DNAI2: variants seen among roughly 807,000 people sequenced by gnomAD.
The protein encoded by DNAI2 is dynein axonemal intermediate chain 2.
In DNAI2, 63 loss-of-function variants were observed where a neutral mutation model predicts 74.7. The observed-to-expected ratio is 0.84, with a 90% CI of 0.69 to 1.04. DNAI2 has a LOEUF of 1.04. DNAI2 is among the 50% of genes least tolerant of loss of function. The pLI is 0.00. For synonymous variants in DNAI2, 289 were observed against 314.9 expected, an observed-to-expected ratio of 0.92 and a Z score of 0.87; for missense variants, 688 against 803.2, an observed-to-expected ratio of 0.86 and a Z score of 1.73.
chr17:74,298,373 C>G (rs1007603357), intron 6 of DNAI2, among the ~76,000 whole-genome samples: 1 of 152,112 alleles, frequency 6.6e-6, no homozygotes, highest in Non-Finnish European at 1.5e-5. Flanking sequence ...GGCATGATCT[C>G]AGCTCACTGC....
intron 4 of DNAI2, among the ~76,000 whole-genome samples, chr17:74,287,552 C>T (rs2143925876): frequency 6.6e-6 from 1 of 152,310 alleles, no homozygotes; most frequent in African/African-American, 2.4e-5. Flanking sequence ...ATATTCACTG[C>T]AGAGGGTGTA....
chr17:74,285,420 A>C (rs1531493), intron 3 of DNAI2, among the ~76,000 whole-genome samples: 1 of 152,116 alleles, frequency 6.6e-6, no homozygotes, highest in African/African-American at 2.4e-5. Context: ...AGGGCTGACC[A>C]GGCATCAGGA....
At chr17:74,275,255 G>A (rs2050995429) in intron 1 of DNAI2, among the ~76,000 whole-genome samples, 1 of 152,096 alleles carries the variant, frequency 6.6e-6, no homozygotes, top group Admixed American at 6.6e-5. Flanking sequence ...TCCAATTCTG[G>A]GGACCTCTTC....
rs371039062 is a variant in DNAI2 at position 74,296,346 on chromosome 17, G to GAGAGGAGAGAGAGAGAGAGAGAGA, written c.725-3372_725-3371insAGAGGAGAGAGAGAGAGAGAGAGA. Among the ~76,000 whole-genome samples, 6 of 83,268 alleles carry GAGAGGAGAGAGAGAGAGAGAGAGA rather than the reference G, an allele frequency of 7.2e-5. 1 individual carries two copies. The highest frequency in any genetic ancestry group is 1.2e-4 in the Admixed American group (1 of 8,010). 54.6% of individuals were successfully genotyped at this position (83,268 alleles called of 152,430 possible). ...GAGAGAGAGAGAGGAGAGAGAGAGAGGAGAGAGAGAGGAAGGGGGAAGGAG... is the reference window on the plus strand; with the variant it reads ...GAGAGAGAGAGAGGAGAGAGAGAGAGAGAGGAGAGAGAGAGAGAGAGAGAGAGAGAGAGAGGAAGGGGGAAGGAG... On this transcript the variant is annotated intron_variant, in intron 6 of 13. Coordinates refer to ENST00000311014, the MANE Select transcript of DNAI2 (RefSeq NM_023036.6).
At chr17:74,309,873 T>A in intron 10 of DNAI2, 144 bp from the exon 11 acceptor site, 1 of 1,087,994 alleles carries the variant, frequency 9.2e-7, no homozygotes, top group Admixed American at 1.9e-5. Flanking sequence ...AGTCTCCGAG[T>A]TTGAACTTCA....
At position 74,310,382 on chromosome 17, in the gene DNAI2, T is replaced by C. The variant is rs571412312; in HGVS notation, c.1494+219T>C. Among the ~76,000 whole-genome samples, 338 of 152,106 alleles carry C rather than the reference T, an allele frequency of 2.2e-3. 1 individual carries two copies. Among genetic ancestry groups the C allele is most frequent in the South Asian group, 0.01 (50 of 4,814 alleles). ...GCTAAGTGGCCTTCAGTAAGTCACG[T>C]CACTCTCCAGGATTCAGTTTTTTAC... On this transcript the variant is annotated intron_variant, in intron 11 of 13. Transcript: ENST00000311014.
intron 8 of DNAI2, among the ~76,000 whole-genome samples, chr17:74,304,194 T>C (rs962615841): frequency 1.4e-4 from 17 of 125,526 alleles, no homozygotes; most frequent in South Asian, 5.6e-4. Flanking sequence ...TTCTTTTTTT[T>C]TTTTTTTTTT....
Position 74,301,080 on chromosome 17 carries a change from C to G in DNAI2, c.899C>G (p.Pro300Arg), listed in dbSNP as rs766750403. The change falls in exon 8 of 14, where the codon CCC becomes CGC. Residue 300 changes from proline to arginine, a missense_variant. Coordinates refer to ENST00000311014, the MANE Select transcript of DNAI2 (RefSeq NM_023036.6). Reference sequence around the variant, plus strand: ...TGGGACATCCGAAAGATGAGCGAGCCCACTGAAGTTGTGATCTTGGACATC... The same window carrying G: ...TGGGACATCCGAAAGATGAGCGAGCGCACTGAAGTTGTGATCTTGGACATC... ...MWWDIRKMSEPTEVVILDITK... is the reference protein window; with the variant it reads ...MWWDIRKMSERTEVVILDITK... 1.9e-6 allele frequency: 3 copies of G among 1,614,058 alleles called. No homozygotes were observed. Among genetic ancestry groups the G allele is most frequent in the Middle Eastern group, 1.7e-4 (1 of 6,058 alleles).
chr17:74,284,532 C>G (rs1357246531), intron 2 of DNAI2, among the ~76,000 whole-genome samples: 3 of 152,138 alleles, frequency 2.0e-5, no homozygotes, highest in Non-Finnish European at 4.4e-5. Context: ...CCTGCCTCAG[C>G]CTCCCGAGTA....
chr17:74,275,910 G>A (rs550218846), intron 1 of DNAI2, among the ~76,000 whole-genome samples: 66 of 152,190 alleles, frequency 4.3e-4, no homozygotes, highest in African/African-American at 1.5e-3. Flanking sequence ...AACAAAGAAA[G>A]AGGGAAGGAA....
intron 12 of DNAI2, among the ~76,000 whole-genome samples, chr17:74,312,623 A>G (rs745366458): frequency 6.6e-6 from 1 of 152,142 alleles, no homozygotes; most frequent in Non-Finnish European, 1.5e-5. Flanking sequence ...AAGGGCTGGG[A>G]CATTAGCGGT....
chr17:74,305,480 G>T, intron 9 of DNAI2, 38 bp downstream of exon 9: 1 of 1,596,936 alleles, frequency 6.3e-7, no homozygotes, highest in Non-Finnish European at 8.6e-7. Flanking sequence ...GGATGCAGGA[G>T]ACAGGAGGGG....
chr17:74,280,775 A>G (rs1013425409), intron 1 of DNAI2, among the ~76,000 whole-genome samples: 1 of 152,198 alleles, frequency 6.6e-6, no homozygotes, highest in African/African-American at 2.4e-5. Context: ...TGCCCTGTCA[A>G]TAAACACTGA....
chr17:74,300,944 G>T lies in DNAI2; in HGVS notation c.865-102G>T. The T allele has an allele frequency of 6.5e-7, 1 of 1,535,048 alleles. No individual in the cohort carries two copies. Among genetic ancestry groups the T allele is most frequent in the East Asian group, 2.3e-5 (1 of 43,646 alleles). On this transcript the variant is annotated intron_variant, in intron 7 of 13. Transcript: ENST00000311014. The surrounding 1 kb of genome is among the most constrained non-coding windows in gnomAD (Gnocchi z 4.5). ...ATTGCCGGGAGCTCCATCCTTTGTG[G>T]CCCAGTGGCTGACCCCAGGACGGTG...
Position 74,301,159 on chromosome 17 carries a change from A to G in DNAI2, c.978A>G (p.Glu326=), listed in dbSNP as rs763193003. 3.1e-6 allele frequency: 5 copies of G among 1,613,750 alleles called. No individual in the cohort carries two copies. The South Asian group carries it at 4.4e-5, about 14-fold the overall frequency. ...NALGAISLEF[E]STLPTKFMVG... ...TGGGGGCCATCTCCCTGGAGTTCGA[A>G]TCTACTTTGGTGAGTGTCCCTTGCT... The change falls in exon 8 of 14, where the codon GAA becomes GAG. Residue 326 remains glutamate (E), a synonymous_variant. Coordinates refer to ENST00000311014, the MANE Select transcript of DNAI2 (RefSeq NM_023036.6).
At position 74,312,022 on chromosome 17, in the gene DNAI2, G is replaced by T; in HGVS notation, c.1514G>T (p.Arg505Leu). Reference protein sequence around the residue: ...VASSMFERETRREKILEARHR... With the variant: ...VASSMFERETLREKILEARHR... The stretch of plus-strand genomic sequence containing the variant: ...GCCCAGATGTTTGAGCGTGAGACCC[G>T]GCGAGAGAAGATCCTGGAGGCCAGG... The change falls in exon 12 of 14, where the codon CGG (arginine) becomes CTG (leucine). Residue 505 changes from arginine to leucine, a missense_variant. Coordinates refer to ENST00000311014, the MANE Select transcript of DNAI2 (RefSeq NM_023036.6). The T allele has an allele frequency of 2.5e-6, 4 of 1,607,984 alleles. No homozygotes were observed. The highest frequency in any genetic ancestry group is 3.4e-6 in the Non-Finnish European group (4 of 1,177,732).
chr17:74,284,803 A>G (rs2051612025), intron 2 of DNAI2, among the ~76,000 whole-genome samples: 1 of 152,210 alleles, frequency 6.6e-6, no homozygotes, highest in African/African-American at 2.4e-5. Flanking sequence ...CAGGATTTTC[A>G]TGACCACAGC....
intron 4 of DNAI2, among the ~76,000 whole-genome samples, chr17:74,287,346 G>A (rs1030628048): frequency 8.5e-5 from 13 of 152,236 alleles, no homozygotes; most frequent in Non-Finnish European, 1.8e-4. Context: ...TACAGGTGGG[G>A]CATGTTCCTG....
In DNAI2 at chr17:74,286,949, C is replaced by T. The variant is rs201492303; in HGVS notation, c.346-28C>T. ...AATCTGAAAGGACCTCCATTTACTG[C>T]GGAGAACTTCCAATGTGTCCCCCCT... On this transcript the variant is annotated intron_variant, in intron 3 of 13. Transcript: ENST00000311014. 4.8e-4 allele frequency: 770 copies of T among 1,613,308 alleles called. 3 individuals carry two copies. The highest frequency in any genetic ancestry group is 6.3e-4 in the Non-Finnish European group (743 of 1,179,472).
Sources: allele counts gnomAD v4.1 joint callset (sites outside exome capture counted in the v4.1 genomes callset), GRCh38; gene constraint gnomAD v4.1.1; non-coding constraint Gnocchi (gnomAD v3.1); transcripts MANE v1.5; gene names NCBI Gene and HGNC (gene_info 2026-07-23, HGNC 2026-07-21).